Variants in CCDC7 observed in about 807,000 individuals in gnomAD.
CCDC7 encodes the protein coiled-coil domain containing 7.
In CCDC7, 183 loss-of-function variants were observed where a neutral mutation model predicts 196.9. That is an observed-to-expected ratio of 0.93 (90% CI 0.82 to 1.05). CCDC7 has a LOEUF of 1.05. CCDC7 is among the 50% of genes least tolerant of loss of function. CCDC7 has a pLI of 0.00. For synonymous variants in CCDC7, 525 were observed against 484.6 expected (o/e 1.08, Z -1.10); for missense variants, 1,540 against 1,482.2 (o/e 1.04, Z -0.64).
At chr10:32,860,362 A>G (rs546253455) in intron 41 of CCDC7, among the ~76,000 whole-genome samples, 1 of 152,360 alleles carries the variant, frequency 6.6e-6, no homozygotes, top group Admixed American at 6.5e-5. Flanking sequence ...AAAATTTAAC[A>G]GCCCTTCATG....
intron 8 of CCDC7, among the ~76,000 whole-genome samples, chr10:32,490,656 G>A (rs1294017903): frequency 3.9e-5 from 6 of 152,088 alleles, no homozygotes; most frequent in African/African-American, 1.2e-4. Context: ...AATTACCTGG[G>A]TGTGGTGGTG....
intron 28 of CCDC7, among the ~76,000 whole-genome samples, chr10:32,753,520 A>G (rs1301256645): frequency 6.6e-6 from 1 of 152,140 alleles, no homozygotes; most frequent in Non-Finnish European, 1.5e-5. Flanking sequence ...GTAACTGCCT[A>G]AAGTCACATC....
At chr10:32,655,145 A>T (rs548214582) in intron 20 of CCDC7, among the ~76,000 whole-genome samples, 1 of 152,088 alleles carries the variant, frequency 6.6e-6, no homozygotes, top group Admixed American at 6.5e-5. Context: ...CCTCAAACTT[A>T]TTTTGCCCTC....
At chr10:32,830,862 A>G (rs1478905819) in intron 32 of CCDC7, among the ~76,000 whole-genome samples, 2 of 152,198 alleles carry the variant, frequency 1.3e-5, no homozygotes, top group African/African-American at 2.4e-5. Context: ...TCTAAGCTCA[A>G]TTAAATCTAA....
At chr10:32,855,018 G>T (rs1384124019) in intron 41 of CCDC7, among the ~76,000 whole-genome samples, 1 of 152,048 alleles carries the variant, frequency 6.6e-6, no homozygotes, top group Non-Finnish European at 1.5e-5. Flanking sequence ...ATGGCTAATA[G>T]CTCTGCTAGT....
chr10:32,808,212 C>G (rs1234933312), intron 30 of CCDC7, among the ~76,000 whole-genome samples: 1 of 152,138 alleles, frequency 6.6e-6, no homozygotes, highest in African/African-American at 2.4e-5. Flanking sequence ...ATCTGAGAAC[C>G]AGCCCTCTCA....
chr10:32,672,756 G>A (rs1286810077), intron 21 of CCDC7, among the ~76,000 whole-genome samples: 3 of 152,092 alleles, frequency 2.0e-5, no homozygotes, highest in African/African-American at 4.8e-5. Context: ...TCTAAGATAT[G>A]CTGACCTCAC....
chr10:32,838,567 A>G (rs1049970881), intron 33 of CCDC7, among the ~76,000 whole-genome samples: 3 of 152,098 alleles, frequency 2.0e-5, no homozygotes, highest in African/African-American at 7.2e-5. Context: ...ATTTGTGAGA[A>G]TAATCAAGAA....
intron 25 of CCDC7, among the ~76,000 whole-genome samples, chr10:32,715,268 G>A (rs1315991920): frequency 6.6e-6 from 1 of 152,212 alleles, no homozygotes; most frequent in Admixed American, 6.5e-5. Context: ...GGTATGGAGT[G>A]GACCTCCAGC....
At chr10:32,786,654 G>A (rs926377673) in intron 29 of CCDC7, among the ~76,000 whole-genome samples, 11 of 152,130 alleles carry the variant, frequency 7.2e-5, no homozygotes, top group South Asian at 2.1e-4. Flanking sequence ...CCAGCTATTA[G>A]GGAGGCTGAA....
chr10:32,487,650 CA>C (rs1042761735), intron 8 of CCDC7, among the ~76,000 whole-genome samples: 8 of 152,166 alleles, frequency 5.3e-5, no homozygotes, highest in Admixed American at 5.2e-4. Flanking sequence ...TGGTGACTTA[CA>C]GATGGGGTTT....
chr10:32,680,901 A>G (rs17230458), intron 21 of CCDC7, among the ~76,000 whole-genome samples: 6,249 of 152,278 alleles, frequency 0.041, 133 homozygotes, highest in Middle Eastern at 0.065. Context: ...AAATTTCACC[A>G]GGCTCTCTGA....
chr10:32,694,965 A>G (rs750110523), exon 24 of CCDC7: 29 of 1,602,008 alleles, frequency 1.8e-5, no homozygotes, highest in Non-Finnish European at 2.5e-5. Context: ...AAAAACCAAA[A>G]AACTTCCTAG....
chr10:32,828,560 A>AG (rs1253622928), intron 32 of CCDC7, among the ~76,000 whole-genome samples: 44 of 134,014 alleles, frequency 3.3e-4, no homozygotes, highest in African/African-American at 1.0e-3. Context: ...AAGAAGAAGA[A>AG]AGAAGAAGAA....
intron 24 of CCDC7, among the ~76,000 whole-genome samples, chr10:32,708,375 A>C (rs1011932425): frequency 1.3e-5 from 2 of 152,226 alleles, no homozygotes; most frequent in Admixed American, 1.3e-4. Flanking sequence ...ACCCTAGAAG[A>C]AAACCTAGGC....
chr10:32,799,965 T>C (rs1383364941), intron 29 of CCDC7, among the ~76,000 whole-genome samples: 1 of 152,234 alleles, frequency 6.6e-6, no homozygotes, highest in African/African-American at 2.4e-5. Flanking sequence ...GTGGGCCTTA[T>C]GGACAGGAAT....
chr10:32,443,588 A>G (rs1592664432), upstream of CCDC7, among the ~76,000 whole-genome samples: 2 of 152,198 alleles, frequency 1.3e-5, no homozygotes, highest in East Asian at 3.8e-4. Context: ...TCCCCATTGA[A>G]GTGCACTGGC....
chr10:32,692,163 T>C (rs1305760936), intron 23 of CCDC7, among the ~76,000 whole-genome samples: 2 of 152,244 alleles, frequency 1.3e-5, no homozygotes, highest in Non-Finnish European at 2.9e-5. Context: ...CATTACAGGC[T>C]GTCCACCATT....
intron 8 of CCDC7, among the ~76,000 whole-genome samples, chr10:32,483,922 G>C (rs1393979813): frequency 2.6e-5 from 4 of 152,192 alleles, no homozygotes; most frequent in Non-Finnish European, 5.9e-5. Context: ...TTGGAAGTCA[G>C]GTAGCGTGAT....
Sources: gnomAD v4.1 joint callset for allele counts (sites outside exome capture counted in the v4.1 genomes callset) on GRCh38, gnomAD v4.1.1 for gene constraint, MANE v1.5 for transcripts, NCBI Gene and HGNC (gene_info 2026-07-23, HGNC 2026-07-21) for gene names.